Variants in CREB3L1 observed in about 807,000 individuals in gnomAD.
CREB3L1 encodes the protein cyclic AMP-responsive element-binding protein 3-like protein 1.
CREB3L1 carries 33 observed loss-of-function variants against 54.5 expected under a neutral mutation model. That is an observed-to-expected ratio of 0.61 (90% confidence interval 0.46 to 0.81). The LOEUF (loss-of-function observed/expected upper bound fraction) is 0.81. Ranked by LOEUF, CREB3L1 falls within the 30% of genes least tolerant of loss-of-function variation. The pLI is 0.00. For missense variants in CREB3L1, 656 were observed against 673.3 expected (o/e 0.97, Z 0.29); for synonymous variants, 284 against 286.4 (o/e 0.99, Z 0.08).
chr11:46,297,612 A>G (rs1033501565), intron 1 of CREB3L1, among the ~76,000 whole-genome samples: 1 of 152,258 alleles, frequency 6.6e-6, no homozygotes, highest in African/African-American at 2.4e-5. Context: ...ATAATTGTGA[A>G]GATTAAATGA....
In CREB3L1 at chr11:46,319,373, T is replaced by C. The variant is rs1184410484; in HGVS notation, c.1259-891T>C. ...AGGGAGGACAATTTCCCTGAGTGCC[T>C]GGAACTTCAGCTGCCTCCTCTGGGA... On this transcript the variant is annotated intron_variant, in intron 10 of 11. Transcript: ENST00000621158. Among the ~76,000 whole-genome samples the C allele has an allele frequency of 2.0e-5, 3 of 152,200 alleles. No homozygotes were observed. The East Asian group carries it at 5.8e-4, about 29-fold the overall frequency.
intron 8 of CREB3L1, among the ~76,000 whole-genome samples, chr11:46,313,540 G>T (rs909720782): frequency 6.6e-5 from 10 of 152,028 alleles, no homozygotes; most frequent in Non-Finnish European, 1.5e-4. Context: ...TAGAAAATTA[G>T]CTGGGCGTGG....
chr11:46,302,898 T>A lies in CREB3L1; in HGVS notation c.331+2735T>A, dbSNP rs1246267691. On this transcript the variant is annotated intron_variant, in intron 2 of 11. Transcript: ENST00000621158. ...CAGGAGGCTGAGGCAGGAGAACTGC[T>A]TGAACCCGGGAGGCGGAGGTTGCAG... Among the ~76,000 whole-genome samples the A allele has an allele frequency of 2.0e-5, 3 of 152,140 alleles. No individual in the cohort carries two copies. The East Asian group carries it at 5.8e-4, about 29-fold the overall frequency.
rs374926737 is a variant in CREB3L1 at position 46,307,886 on chromosome 11, G to A, written c.402G>A (p.Pro134=). The change falls in exon 3 of 12, where the codon CCG becomes CCA. Residue 134 remains proline, a synonymous_variant. Transcript: ENST00000621158. ...CSIMVKQEQS[P]ELPVDPLAAP... ...TCATGGTGAAGCAGGAGCAGAGCCC[G>A]GAGCTGCCCGTGGACCCTCTGGCTG... 21 of 1,580,198 alleles carry A rather than the reference G, an allele frequency of 1.3e-5. No homozygotes were observed. The highest frequency in any genetic ancestry group is 4.6e-5 in the South Asian group (4 of 86,164).
chr11:46,291,772 T>C (rs1317416447), intron 1 of CREB3L1, among the ~76,000 whole-genome samples: 1 of 152,042 alleles, frequency 6.6e-6, no homozygotes, highest in Non-Finnish European at 1.5e-5. Context: ...ACCCCAGGGA[T>C]TGGAGTCAAT....
chr11:46,314,310 G>A (rs1034421093), intron 8 of CREB3L1, among the ~76,000 whole-genome samples: 12 of 151,914 alleles, frequency 7.9e-5, no homozygotes, highest in Non-Finnish European at 1.6e-4. Flanking sequence ...AAGATCCTGC[G>A]AATAAAGGAT....
chr11:46,294,887 A>G (rs745465625), intron 1 of CREB3L1, among the ~76,000 whole-genome samples: 3 of 149,610 alleles, frequency 2.0e-5, no homozygotes, highest in Non-Finnish European at 4.5e-5. Flanking sequence ...CTGCGGGGGG[A>G]AAGAAAGGGG....
rs1488112770 is a variant in CREB3L1, at chr11:46,295,635, G to A, written c.103-4300G>A. Among the ~76,000 whole-genome samples the A allele has an allele frequency of 6.6e-6, 1 of 152,200 alleles. No homozygotes were observed. Among genetic ancestry groups the A allele is most frequent in the Non-Finnish European group, 1.5e-5 (1 of 68,018 alleles). On this transcript the variant is annotated intron_variant, in intron 1 of 11. Coordinates refer to ENST00000621158, the MANE Select transcript of CREB3L1 (RefSeq NM_052854.4). The surrounding 1 kb of genome is among the most constrained non-coding windows in gnomAD (Gnocchi z 4.6). Reference sequence around the variant, plus strand: ...CCTGCACTCCTCCGGTGCCCTCCACGCCGCCACCGGCTGCTGCTCGCAGCC... The same window carrying A: ...CCTGCACTCCTCCGGTGCCCTCCACACCGCCACCGGCTGCTGCTCGCAGCC...
Position 46,300,065 on chromosome 11 carries a change from C to T in CREB3L1, c.233C>T (p.Pro78Leu). 1 of 1,614,000 alleles carries T rather than the reference C, an allele frequency of 6.2e-7. No individual in the cohort carries two copies. The highest frequency in any genetic ancestry group is 8.5e-7 in the Non-Finnish European group (1 of 1,179,888). The change falls in exon 2 of 12, where the codon CCT becomes CTT. Residue 78 changes from proline (P) to leucine (L), a missense_variant. Transcript: ENST00000621158. ...SPLLDMELDS[P>L]TPGIQAEHSY... ...CTATTGGACATGGAACTGGACTCCCCTACGCCAGGCATCCAGGCGGAGCAC... is the reference window on the plus strand; with the variant it reads ...CTATTGGACATGGAACTGGACTCCCTTACGCCAGGCATCCAGGCGGAGCAC...
intron 2 of CREB3L1, among the ~76,000 whole-genome samples, chr11:46,305,688 ATATG>A (rs1405322777): frequency 3.5e-3 from 252 of 71,850 alleles, no homozygotes; most frequent in Non-Finnish European, 5.4e-3. Context: ...GTGTGTGTAT[ATATG>A]TGTGTGTGTG....
chr11:46,302,168 A>AATAAT (rs1939312823), intron 2 of CREB3L1, among the ~76,000 whole-genome samples: 1 of 135,628 alleles, frequency 7.4e-6, no homozygotes, highest in Admixed American at 7.7e-5. Context: ...GCTCCGTCTC[A>AATAAT]AATAATAATA....
At position 46,307,896 on chromosome 11, in the gene CREB3L1, G is replaced by C; in HGVS notation, c.412G>C (p.Val138Leu). The change falls in exon 3 of 12, where the codon GTG becomes CTG. Residue 138 changes from valine (V) to leucine (L), a missense_variant. By Grantham distance (32) the Val-to-Leu change is conservative (BLOSUM62 1). Around this residue, in one of 3 missense-constraint regions of CREB3L1, gnomAD observed 339 missense variants for 331.5 expected, o/e 1.02. Transcript: ENST00000621158. ...VKQEQSPELP[V>L]DPLAAPSAMA... The stretch of plus-strand genomic sequence containing the variant: ...GCAGGAGCAGAGCCCGGAGCTGCCC[G>C]TGGACCCTCTGGCTGCCCCCTCGGC... 6.3e-7 allele frequency: 1 copy of C among 1,580,630 alleles called. No homozygotes were observed. Among genetic ancestry groups the C allele is most frequent in the Non-Finnish European group, 8.6e-7 (1 of 1,163,976 alleles).
At chr11:46,301,849 G>T (rs1371874850) in intron 2 of CREB3L1, among the ~76,000 whole-genome samples, 1 of 151,974 alleles carries the variant, frequency 6.6e-6, no homozygotes, top group Non-Finnish European at 1.5e-5. Flanking sequence ...TACTCTGGAG[G>T]ATGAGACAGG....
chr11:46,319,189 C>T (rs1369617695), intron 10 of CREB3L1, among the ~76,000 whole-genome samples: 33 of 152,188 alleles, frequency 2.2e-4, no homozygotes, highest in Admixed American at 2.1e-3. Context: ...GAAGACACAT[C>T]CCAGCAGGCA....
chr11:46,291,600 AATG>A (rs1347332523), intron 1 of CREB3L1, among the ~76,000 whole-genome samples: 2 of 152,174 alleles, frequency 1.3e-5, no homozygotes, highest in South Asian at 2.1e-4. Context: ...CGAAAATTGT[AATG>A]ATTTCTTTTG....
At chr11:46,314,373 T>C (rs1189028720) in intron 8 of CREB3L1, among the ~76,000 whole-genome samples, 1 of 152,194 alleles carries the variant, frequency 6.6e-6, no homozygotes. Context: ...GCTTTTATTC[T>C]TCTTTCATTA....
chr11:46,289,779 T>C (rs996986414), intron 1 of CREB3L1, among the ~76,000 whole-genome samples: 2 of 152,138 alleles, frequency 1.3e-5, no homozygotes, highest in African/African-American at 2.4e-5. Flanking sequence ...TAGTGGTAAG[T>C]TGGGATCAGT....
At chr11:46,303,628 A>T (rs767080102) in intron 2 of CREB3L1, among the ~76,000 whole-genome samples, 4 of 152,178 alleles carry the variant, frequency 2.6e-5, no homozygotes, top group Non-Finnish European at 5.9e-5. Flanking sequence ...TGGATGACAG[A>T]GTGAGACTCT....
intron 8 of CREB3L1, chr11:46,315,317 C>G: frequency 4.6e-6 from 1 of 216,400 alleles, no homozygotes; most frequent in African/African-American, 2.3e-5. Context: ...TCGCCACCTG[C>G]TGTACATTGT....
Sources: gnomAD v4.1 joint callset for allele counts (sites outside exome capture counted in the v4.1 genomes callset) on GRCh38, gnomAD v4.1.1 for gene constraint, gnomAD v4.1.1 regional missense constraint, Gnocchi (gnomAD v3.1) non-coding constraint, MANE v1.5 for transcripts, NCBI Gene and HGNC (gene_info 2026-07-23, HGNC 2026-07-21) for gene names.